The following DACH1 variants were observed in gnomAD, a reference collection of about 807,000 sequenced individuals.
The protein encoded by DACH1 is dachshund family transcription factor 1.
A neutral mutation model predicts 54.2 loss-of-function variants in DACH1; 12 were observed. The ratio of observed to expected loss-of-function variants is 0.22; its 90% CI spans 0.14 to 0.36. The LOEUF (loss-of-function observed/expected upper bound fraction) is 0.36, where lower values mean the gene tolerates loss of function less well. DACH1 is among the 10% of genes least tolerant of loss of function. The pLI, the probability that DACH1 is intolerant of heterozygous loss-of-function variation, is 1.00. For synonymous variants in DACH1, 386 were observed against 366.2 expected, an observed-to-expected ratio of 1.05 and a Z score of -0.62; for missense variants, 805 against 929.8, an observed-to-expected ratio of 0.87 and a Z score of 1.75.
At chr13:71,820,804 T>G (rs1888155535) in intron 1 of DACH1, among the ~76,000 whole-genome samples, 1 of 152,138 alleles carries the variant, frequency 6.6e-6, no homozygotes, top group South Asian at 2.1e-4. Flanking sequence ...TAAAAGCTGT[T>G]CTACAAAAGT....
intron 1 of DACH1, among the ~76,000 whole-genome samples, chr13:71,736,446 G>C (rs541440675): frequency 1.3e-5 from 2 of 151,450 alleles, no homozygotes; most frequent in Non-Finnish European, 1.5e-5. Context: ...AACAGCTTAA[G>C]GAAAAAAGGT....
chr13:71,509,694 A>G (rs1411482198), intron 6 of DACH1, among the ~76,000 whole-genome samples: 1 of 152,190 alleles, frequency 6.6e-6, no homozygotes, highest in South Asian at 2.1e-4. Context: ...CCTCAAATGT[A>G]CTGCCTCAAA....
chr13:71,626,939 G>C (rs919546146), intron 3 of DACH1, among the ~76,000 whole-genome samples: 1 of 151,932 alleles, frequency 6.6e-6, no homozygotes, highest in Non-Finnish European at 1.5e-5. Flanking sequence ...TCTCATCTTA[G>C]CAAGTAAATA....
At chr13:71,636,759 T>C (rs191096450) in intron 2 of DACH1, among the ~76,000 whole-genome samples, 1 of 152,010 alleles carries the variant, frequency 6.6e-6, no homozygotes, top group African/African-American at 2.4e-5. Context: ...AGTGGTGCAA[T>C]GTATTTAGAT....
At chr13:71,581,151 C>T (rs1038621558) in intron 3 of DACH1, among the ~76,000 whole-genome samples, 2 of 151,668 alleles carry the variant, frequency 1.3e-5, no homozygotes, top group African/African-American at 2.4e-5. Flanking sequence ...ACATTTACAT[C>T]TGGTAAGTAT....
At chr13:71,608,078 A>T (rs570418082) in intron 3 of DACH1, among the ~76,000 whole-genome samples, 2 of 151,562 alleles carry the variant, frequency 1.3e-5, no homozygotes, top group East Asian at 3.9e-4. Flanking sequence ...TATATATATA[A>T]AATGGGTAAG....
At chr13:71,624,792 A>G (rs573598199) in intron 3 of DACH1, among the ~76,000 whole-genome samples, 1 of 152,044 alleles carries the variant, frequency 6.6e-6, no homozygotes. Context: ...ATTAACTCTC[A>G]TATCCAACTG....
intron 1 of DACH1, among the ~76,000 whole-genome samples, chr13:71,754,386 G>T (rs1885054767): frequency 6.6e-6 from 1 of 152,130 alleles, no homozygotes; most frequent in Non-Finnish European, 1.5e-5. Flanking sequence ...ATGCAATCAA[G>T]TATCTGTACT....
At chr13:71,642,513 T>G (rs2138600400) in intron 2 of DACH1, among the ~76,000 whole-genome samples, 1 of 152,350 alleles carries the variant, frequency 6.6e-6, no homozygotes, top group South Asian at 2.1e-4. Context: ...GATTTGAGAT[T>G]CTTTTTAACT....
At chr13:71,567,176 C>T (rs145034537) in intron 4 of DACH1, among the ~76,000 whole-genome samples, 20 of 151,902 alleles carry the variant, frequency 1.3e-4, no homozygotes, top group African/African-American at 4.8e-4. Flanking sequence ...AGACACATAA[C>T]AGATCAGCAA....
chr13:71,627,199 A>C (rs1213507201), intron 3 of DACH1, among the ~76,000 whole-genome samples: 1 of 151,958 alleles, frequency 6.6e-6, no homozygotes, highest in Non-Finnish European at 1.5e-5. Context: ...TCCTATTATG[A>C]ACCGGGAAGG....
chr13:71,493,264 T>G (rs1879139567), intron 6 of DACH1, among the ~76,000 whole-genome samples: 1 of 152,072 alleles, frequency 6.6e-6, no homozygotes, highest in Non-Finnish European at 1.5e-5. Flanking sequence ...CCAGTTGACA[T>G]GACATGAGAC....
rs575409952 is a variant in DACH1 at position 71,552,194 on chromosome 13, G to T, written c.1570+4830C>A. On this transcript the variant is annotated intron_variant, in intron 6 of 10. Transcript: ENST00000613252. ...GGAAAGGGAGAGACAGAGAAAGAGA[G>T]CGATTGATTTGCATTTCATTTCTTT... is the stretch of plus-strand genomic sequence containing the variant. Among the ~76,000 whole-genome samples, 6 of 152,240 alleles carry T rather than the reference G, an allele frequency of 3.9e-5. No homozygotes were observed. The South Asian group carries it at 1.2e-3, about 32-fold the overall frequency.
At chr13:71,491,119 T>C (rs191635189) in intron 6 of DACH1, among the ~76,000 whole-genome samples, 44 of 152,338 alleles carry the variant, frequency 2.9e-4, no homozygotes, top group Admixed American at 9.2e-4. Context: ...TTGGCTGTTG[T>C]GTGGATTAAA....
intron 2 of DACH1, among the ~76,000 whole-genome samples, chr13:71,640,963 T>G (rs1031663228): frequency 2.0e-5 from 3 of 152,104 alleles, no homozygotes; most frequent in African/African-American, 4.8e-5. Flanking sequence ...CTAAATCCAT[T>G]TCTACCTCAA....
chr13:71,492,413 A>C (rs1471177671), intron 6 of DACH1, among the ~76,000 whole-genome samples: 2 of 152,142 alleles, frequency 1.3e-5, no homozygotes, highest in Non-Finnish European at 2.9e-5. Context: ...GACACAGAGA[A>C]GAGAAAAGGC....
At chr13:71,472,705 G>A (rs1252770993) in intron 10 of DACH1, among the ~76,000 whole-genome samples, 1 of 152,162 alleles carries the variant, frequency 6.6e-6, no homozygotes, top group Non-Finnish European at 1.5e-5. Flanking sequence ...GGCTGTGTGT[G>A]TGTCATTCTT....
chr13:71,520,991 G>A (rs550988718), intron 6 of DACH1, among the ~76,000 whole-genome samples: 1 of 152,002 alleles, frequency 6.6e-6, no homozygotes, highest in African/African-American at 2.4e-5. Flanking sequence ...AACTCTACAG[G>A]TCCAGAAAAC....
chr13:71,665,916 G>A (rs1173215380), intron 2 of DACH1, among the ~76,000 whole-genome samples: 1 of 152,032 alleles, frequency 6.6e-6, no homozygotes, highest in East Asian at 1.9e-4. Flanking sequence ...ATACTCATCT[G>A]TTAAATGAGA....
Sources: gnomAD v4.1 joint callset for allele counts (sites outside exome capture counted in the v4.1 genomes callset) on GRCh38, gnomAD v4.1.1 for gene constraint, MANE v1.5 for transcripts, NCBI Gene and HGNC (gene_info 2026-07-23, HGNC 2026-07-21) for gene names.